Variants in SMG1 observed in about 807,000 individuals in gnomAD.
SMG1 encodes the protein serine/threonine-protein kinase SMG1.
In SMG1, 22 loss-of-function variants were observed where a neutral mutation model predicts 419.9. That is an observed-to-expected ratio of 0.05 (90% CI 0.04 to 0.07). SMG1 has a LOEUF of 0.07. SMG1 is among the 10% of genes least tolerant of loss of function. The probability of loss-of-function intolerance (pLI) is 1.00; values close to 1 mark genes in which losing one functional copy is unlikely to be tolerated. For missense variants in SMG1, 3,185 were observed against 4,342.0 expected, an observed-to-expected ratio of 0.73 and a Z score of 7.49; for synonymous variants, 1,538 against 1,553.5, an observed-to-expected ratio of 0.99 and a Z score of 0.23.
chr16:18,883,280 G>C (rs997167181), intron 9 of SMG1, among the ~76,000 whole-genome samples: 7 of 152,214 alleles, frequency 4.6e-5, no homozygotes, highest in African/African-American at 1.7e-4. Flanking sequence ...CAGTAACAGA[G>C]GCTTCAGCAG....
At chr16:18,910,748 C>T (rs2037760766) in intron 1 of SMG1, among the ~76,000 whole-genome samples, 1 of 152,052 alleles carries the variant, frequency 6.6e-6, no homozygotes, top group Non-Finnish European at 1.5e-5. Flanking sequence ...TTCTTCTCCA[C>T]CCCCTCAAGT....
intron 55 of SMG1, 60 bp downstream of exon 55, chr16:18,827,971 C>A: frequency 1.3e-6 from 2 of 1,542,958 alleles, no homozygotes; most frequent in East Asian, 2.3e-5. Flanking sequence ...CACTAACAAT[C>A]ATAGTATTGG....
At chr16:18,866,805 C>A (rs762362167) in intron 22 of SMG1, 30 bp from the exon 23 acceptor site, 2 of 1,582,724 alleles carry the variant, frequency 1.3e-6, no homozygotes, top group South Asian at 1.1e-5. Context: ...AATTAGTCAC[C>A]CAATACCATT....
chr16:18,925,935 G>C lies in SMG1; in HGVS notation c.92+15C>G. 1.3e-6 allele frequency: 2 copies of C among 1,533,438 alleles called. No individual in the cohort carries two copies. Among genetic ancestry groups the C allele is most frequent in the Non-Finnish European group, 1.7e-6 (2 of 1,144,048 alleles). The allele number at this position is 1,533,438 out of a possible 1,614,324, so 95.0% of individuals were successfully genotyped here. On this transcript the variant is annotated intron_variant, in intron 1 of 62. Transcript: ENST00000446231. ...GCCCGGGAGGTCGGGGCGGGGTCCC[G>C]GGCCGGTCACCCACCTGGGTTGCCA...
At chr16:18,842,129 A>G in intron 40 of SMG1, 79 bp downstream of exon 40, 5 of 1,442,280 alleles carry the variant, frequency 3.5e-6, no homozygotes, top group Non-Finnish European at 1.9e-6. Context: ...ATAATCTCCT[A>G]CTATACACAC....
intron 39 of SMG1, 49 bp downstream of exon 39, chr16:18,845,380 G>A: frequency 2.0e-6 from 3 of 1,493,442 alleles, no homozygotes; most frequent in African/African-American, 1.4e-5. Flanking sequence ...CGTATCTCAT[G>A]GGAACTGTGA....
rs541077689 is a variant in SMG1, at chr16:18,836,098, C to T, written c.7892G>A (p.Arg2631His). The T allele has an allele frequency of 8.7e-6, 14 of 1,608,846 alleles. No individual in the cohort carries two copies. The African/African-American group carries it at 1.5e-4, about 17-fold the overall frequency. ...CTCCAGACAGCCACGGAGCACGGAG[C>T]GCCTCTGCTGCAGGAGAGCACCAAC... ...GEVGALLQQR[R>H]SVLRGCLEQL... is the part of the protein sequence containing the mutation. The change falls in exon 48 of 63, where the codon CGC becomes CAC. Residue 2631 changes from arginine to histidine, a missense_variant. Arg to His is a conservative substitution (Grantham distance 29). Around this residue, in one of 27 missense-constraint regions of SMG1, gnomAD observed 412 missense variants for 546.6 expected, o/e 0.75. Coordinates refer to ENST00000446231, the MANE Select transcript of SMG1 (RefSeq NM_015092.5).
At chr16:18,898,909 G>A (rs2037239118) in intron 1 of SMG1, among the ~76,000 whole-genome samples, 1 of 152,188 alleles carries the variant, frequency 6.6e-6, no homozygotes, top group African/African-American at 2.4e-5. Flanking sequence ...TGAAAAGTAT[G>A]TGTGCCTTTG....
At chr16:18,853,477 T>C (rs968232721) in intron 31 of SMG1, 106 bp downstream of exon 31, 41 of 1,022,272 alleles carry the variant, frequency 4.0e-5, no homozygotes, top group Non-Finnish European at 5.5e-5. Flanking sequence ...CTTCCACAGA[T>C]ATACTTTTTA....
At chr16:18,896,643 C>T in intron 2 of SMG1, 150 bp downstream of exon 2, 1 of 582,524 alleles carries the variant, frequency 1.7e-6, no homozygotes, top group Non-Finnish European at 3.0e-6. Context: ...GGATAAATGT[C>T]CTATGAGGTT....
intron 62 of SMG1, among the ~76,000 whole-genome samples, chr16:18,811,198 G>A (rs1037149132): frequency 6.6e-6 from 1 of 152,072 alleles, no homozygotes. Flanking sequence ...GTGGTGGGAT[G>A]CAAGTCTACA....
intron 25 of SMG1, among the ~76,000 whole-genome samples, chr16:18,863,272 T>A (rs2035307365): frequency 6.6e-6 from 1 of 152,276 alleles, no homozygotes; most frequent in Non-Finnish European, 1.5e-5. Flanking sequence ...GTTCACAAAC[T>A]GTCCTCATTA....
intron 25 of SMG1, among the ~76,000 whole-genome samples, chr16:18,862,179 T>G (rs966609073): frequency 6.6e-6 from 1 of 152,170 alleles, no homozygotes; most frequent in African/African-American, 2.4e-5. Context: ...CTCTTTTTCC[T>G]TATAATCCCT....
chr16:18,900,534 C>T (rs974063657), intron 1 of SMG1, among the ~76,000 whole-genome samples: 13 of 152,118 alleles, frequency 8.5e-5, no homozygotes, highest in African/African-American at 3.1e-4. Context: ...CAGGGAATTC[C>T]CTACTAGGAA....
intron 39 of SMG1, among the ~76,000 whole-genome samples, chr16:18,845,073 G>A (rs535478502): frequency 6.6e-6 from 1 of 152,208 alleles, no homozygotes; most frequent in South Asian, 2.1e-4. Context: ...AACTACATAG[G>A]CACAAAGTTA....
intron 46 of SMG1, 40 bp downstream of exon 46, chr16:18,837,213 T>C (rs751575893): frequency 1.3e-6 from 2 of 1,505,038 alleles, no homozygotes; most frequent in South Asian, 2.6e-5. Flanking sequence ...AAATTCTAAT[T>C]AATGGCACAT....
At chr16:18,843,148 A>C (rs1388609515) in intron 39 of SMG1, among the ~76,000 whole-genome samples, 2 of 152,258 alleles carry the variant, frequency 1.3e-5, no homozygotes, top group Non-Finnish European at 1.5e-5. Context: ...TACAGCTAGC[A>C]GTCGGCTGTC....
At chr16:18,921,823 T>C in intron 1 of SMG1, among the ~76,000 whole-genome samples, 1 of 152,206 alleles carries the variant, frequency 6.6e-6, no homozygotes, top group South Asian at 2.1e-4. Context: ...CATTTCTTGG[T>C]CTTTCACAAC....
At chr16:18,830,198 T>A in intron 52 of SMG1, 21 bp downstream of exon 52, 3 of 1,612,798 alleles carry the variant, frequency 1.9e-6, no homozygotes, top group Non-Finnish European at 2.5e-6. Flanking sequence ...GCATTATTTT[T>A]AAATCCAAGT....
Sources: gnomAD v4.1 joint callset for allele counts (sites outside exome capture counted in the v4.1 genomes callset) on GRCh38, gnomAD v4.1.1 for gene constraint, gnomAD v4.1.1 regional missense constraint, MANE v1.5 for transcripts, NCBI Gene and HGNC (gene_info 2026-07-23, HGNC 2026-07-21) for gene names.